Variants in DISP1 observed in about 807,000 individuals in gnomAD.
DISP1 encodes the protein dispatched RND transporter family member 1, also known as protein dispatched homolog 1.
In DISP1, 30 loss-of-function variants were observed where a neutral mutation model predicts 37.3. The ratio of observed to expected loss-of-function variants is 0.80; its 90% CI spans 0.60 to 1.09. DISP1 has a LOEUF of 1.09. DISP1 is among the 50% of genes least tolerant of loss of function. The probability of loss-of-function intolerance (pLI) is 0.00; values close to 1 mark genes in which losing one functional copy is unlikely to be tolerated. For missense variants in DISP1, 1,598 were observed against 1,879.5 expected (o/e 0.85, Z 2.77); for synonymous variants, 634 against 690.2 (o/e 0.92, Z 1.28).
At chr1:222,943,508 T>G (rs1674537391) in intron 3 of DISP1, 176 bp downstream of exon 3, 1 of 772,442 alleles carries the variant, frequency 1.3e-6, no homozygotes, top group Non-Finnish European at 2.1e-6. Flanking sequence ...TAATACTGTA[T>G]ATCGATTTTA....
chr1:222,849,662 C>G (rs1668115667), intron 1 of DISP1, among the ~76,000 whole-genome samples: 1 of 152,136 alleles, frequency 6.6e-6, no homozygotes, highest in Non-Finnish European at 1.5e-5. Flanking sequence ...TAGACTGTTA[C>G]AGGCCATACT....
chr1:222,829,216 A>G (rs764868780), intron 1 of DISP1, among the ~76,000 whole-genome samples: 7 of 152,306 alleles, frequency 4.6e-5, no homozygotes, highest in Middle Eastern at 6.8e-3. Flanking sequence ...ACCTTTTTCT[A>G]AGATAAACAA....
chr1:222,940,306 A>T (rs563993003), intron 2 of DISP1, among the ~76,000 whole-genome samples: 11 of 152,232 alleles, frequency 7.2e-5, no homozygotes, highest in African/African-American at 2.6e-4. Context: ...CTGGCCAGAG[A>T]AGGAGAAAGT....
chr1:222,868,359 G>A (rs924923372), intron 1 of DISP1, among the ~76,000 whole-genome samples: 2 of 151,904 alleles, frequency 1.3e-5, no homozygotes, highest in Admixed American at 6.6e-5. Context: ...ATATGTGTGT[G>A]TATATATGTT....
At chr1:222,988,627 T>TC (rs1487608063) in intron 4 of DISP1, among the ~76,000 whole-genome samples, 1 of 151,522 alleles carries the variant, frequency 6.6e-6, no homozygotes, top group Non-Finnish European at 1.5e-5. Flanking sequence ...CTTTCTTTTT[T>TC]CTTCCTTCCT....
intron 2 of DISP1, among the ~76,000 whole-genome samples, chr1:222,936,852 G>GAT (rs1223196519): frequency 4.8e-5 from 2 of 42,090 alleles, no homozygotes; most frequent in Non-Finnish European, 8.6e-5. Context: ...TCATATATAT[G>GAT]ATATATAATT....
At chr1:222,819,120 G>A (rs1021505891) in intron 1 of DISP1, among the ~76,000 whole-genome samples, 1 of 152,062 alleles carries the variant, frequency 6.6e-6, no homozygotes, top group African/African-American at 2.4e-5. Flanking sequence ...CACAAAATCT[G>A]GTTGTTTAAA....
In DISP1 at chr1:222,948,745, A is replaced by T. The variant is rs541709344; in HGVS notation, c.509+5413A>T. ...CACATTACTTTAAAGGATGTGTTAA[A>T]CATTGACCGCCTTAGAGTAAAATTG... On this transcript the variant is annotated intron_variant, in intron 3 of 8. Transcript: ENST00000675850. Among the ~76,000 whole-genome samples, 3 of 152,328 alleles carry T rather than the reference A, an allele frequency of 2.0e-5. No homozygotes were observed. In the East Asian group the frequency reaches 5.8e-4, roughly 29 times the overall value.
intron 2 of DISP1, among the ~76,000 whole-genome samples, chr1:222,938,345 TATTATA>T (rs1421948785): frequency 6.7e-6 from 1 of 149,318 alleles, no homozygotes; most frequent in Non-Finnish European, 1.5e-5. Flanking sequence ...ATTCCACTCC[TATTATA>T]CTTATACTTC....
rs915792847 is a variant in DISP1, at chr1:222,903,318, G to T, written c.-158-25112G>T. Among the ~76,000 whole-genome samples the T allele has an allele frequency of 3.4e-5, 4 of 118,262 alleles. No homozygotes were observed. In the Admixed American group the frequency reaches 3.6e-4, roughly 11 times the overall value. The allele number at this position is 118,262 out of a possible 152,430, so 77.6% of individuals were successfully genotyped here. A position where few individuals can be genotyped will look rare whatever the true frequency, so the allele number is the denominator to read the frequency against. On this transcript the variant is annotated intron_variant, in intron 1 of 8. Transcript: ENST00000675850. ...TGTTGTGGGGTGGGGGGAGGGGGGAGGGATAGCATTAGGAGATATACCTAA... is the reference window on the plus strand; with the variant it reads ...TGTTGTGGGGTGGGGGGAGGGGGGATGGATAGCATTAGGAGATATACCTAA...
rs965475834 is a variant in DISP1, at chr1:222,990,831, G to A, written c.663+83G>A. ...AATACATGTTGCATTATGTTATTTAGTAACCCATTTCTTTAAAAACCTTCT... is the reference window on the plus strand; with the variant it reads ...AATACATGTTGCATTATGTTATTTAATAACCCATTTCTTTAAAAACCTTCT... On this transcript the variant is annotated intron_variant, in intron 5 of 8. Transcript: ENST00000675850. The A allele has an allele frequency of 5.8e-6, 9 of 1,562,964 alleles. No individual in the cohort carries two copies. The South Asian group carries it at 1.0e-4, about 17-fold the overall frequency.
chr1:222,847,781 TC>T (rs372935296), intron 1 of DISP1, among the ~76,000 whole-genome samples: 20 of 152,158 alleles, frequency 1.3e-4, no homozygotes, highest in African/African-American at 4.8e-4. Context: ...GGAAGAAAGT[TC>T]CTCCCAGTGA....
chr1:223,003,674 TC>T lies in DISP1; in HGVS notation c.2279del (p.Pro760LeufsTer30). ...AGTTCCAGGTGTTCCGGTCGTCCCA[TC>T]CTTTTGAGCGTTATGATGCTGAATA... ...SEFQVFRSSH[P>X]FERYDAEYKK... On this transcript the variant is annotated frameshift_variant, in exon 9 of 9. Coordinates refer to ENST00000675850, the MANE Select transcript of DISP1 (RefSeq NM_001377229.1). LOFTEE classifies it low-confidence loss of function (END_TRUNC). The surrounding 1 kb of genome is among the most constrained non-coding windows in gnomAD (Gnocchi z 4.3). 2 of 1,614,170 alleles carry T rather than the reference TC, an allele frequency of 1.2e-6. No homozygotes were observed. Among genetic ancestry groups the T allele is most frequent in the Non-Finnish European group, 1.7e-6 (2 of 1,180,022 alleles).
chr1:222,923,011 G>C (rs1336800832), intron 1 of DISP1, among the ~76,000 whole-genome samples: 1 of 152,156 alleles, frequency 6.6e-6, no homozygotes, highest in Non-Finnish European at 1.5e-5. Context: ...TGGTAGTTAA[G>C]ATTGTAGGAA....
chr1:222,840,863 G>T (rs2125289651), intron 1 of DISP1, among the ~76,000 whole-genome samples: 1 of 151,998 alleles, frequency 6.6e-6, no homozygotes, highest in South Asian at 2.1e-4. Context: ...CGCCCAGCCA[G>T]AAGGGTTCTT....
At chr1:222,945,792 T>A (rs1389327052) in intron 3 of DISP1, 1 of 152,150 alleles carries the variant, frequency 6.6e-6, no homozygotes, top group African/African-American at 2.4e-5. Flanking sequence ...GGATTTGTCT[T>A]TGTATGTTAT....
At chr1:222,881,281 C>T (rs919754064) in intron 1 of DISP1, among the ~76,000 whole-genome samples, 6 of 152,098 alleles carry the variant, frequency 3.9e-5, no homozygotes, top group African/African-American at 9.7e-5. Context: ...CCGCAACCTC[C>T]GCCTCCCAGG....
chr1:222,836,290 A>T (rs1221763577), intron 1 of DISP1, among the ~76,000 whole-genome samples: 1 of 152,232 alleles, frequency 6.6e-6, no homozygotes, highest in Non-Finnish European at 1.5e-5. Flanking sequence ...TGCTAGTCCA[A>T]AGATAACATT....
intron 3 of DISP1, among the ~76,000 whole-genome samples, chr1:222,976,015 T>G (rs932848129): frequency 6.6e-6 from 1 of 152,072 alleles, no homozygotes; most frequent in African/African-American, 2.4e-5. Flanking sequence ...TCATCTTTCC[T>G]TGGGCCTTTT....
Sources: allele counts gnomAD v4.1 joint callset (sites outside exome capture counted in the v4.1 genomes callset), GRCh38; gene constraint gnomAD v4.1.1; non-coding constraint Gnocchi (gnomAD v3.1); transcripts MANE v1.5; gene names NCBI Gene and HGNC (gene_info 2026-07-23, HGNC 2026-07-21).